Variants in LINGO1 observed in about 807,000 individuals in gnomAD.
The protein encoded by LINGO1 is leucine-rich repeat and immunoglobulin-like domain-containing nogo receptor-interacting protein 1.
In LINGO1, 11 loss-of-function variants were observed where a neutral mutation model predicts 37.3. That is an observed-to-expected ratio of 0.29 (90% CI 0.19 to 0.49). LINGO1 has a LOEUF of 0.49. Ranked by LOEUF, LINGO1 falls within the 20% of genes least tolerant of loss-of-function variation. The probability of loss-of-function intolerance (pLI) is 0.99; values close to 1 mark genes in which losing one functional copy is unlikely to be tolerated. For missense variants in LINGO1, 585 were observed against 878.2 expected, an observed-to-expected ratio of 0.67 and a Z score of 4.22; for synonymous variants, 387 against 403.0, an observed-to-expected ratio of 0.96 and a Z score of 0.48.
At chr15:77,724,340 G>A (rs373405331) in intron 2 of LINGO1, among the ~76,000 whole-genome samples, 5 of 152,252 alleles carry the variant, frequency 3.3e-5, no homozygotes, top group African/African-American at 1.2e-4. Flanking sequence ...AGGGTGGCGT[G>A]AGCCAGGCCA....
chr15:77,614,453 C>A lies in LINGO1; in HGVS notation c.1454G>T (p.Arg485Leu). 1 of 1,611,008 alleles carries A rather than the reference C, an allele frequency of 6.2e-7. No individual in the cohort carries two copies. Among genetic ancestry groups the A allele is most frequent in the Non-Finnish European group, 8.5e-7 (1 of 1,179,784 alleles). The change falls in exon 2 of 2, where the codon CGC becomes CTC. Residue 485 changes from arginine to leucine, a missense_variant. Arg to Leu is a moderately radical substitution (Grantham distance 102). Coordinates refer to ENST00000355300, the MANE Select transcript of LINGO1 (RefSeq NM_032808.7). ...GCCGTTGTCCTGTACCTGGGCGTAGCGCACCTCCAGCGTGCCATCAGGGAA... is the reference window on the plus strand; with the variant it reads ...GCCGTTGTCCTGTACCTGGGCGTAGAGCACCTCCAGCGTGCCATCAGGGAA... The part of the protein sequence containing the change: ...TVFPDGTLEV[R>L]YAQVQDNGTY...
chr15:77,801,270 G>A (rs547159683), intron 1 of LINGO1, among the ~76,000 whole-genome samples: 8 of 152,270 alleles, frequency 5.3e-5, no homozygotes, highest in East Asian at 1.9e-4. Context: ...TGGCCTAAAC[G>A]TTTATCGATA....
intron 2 of LINGO1, among the ~76,000 whole-genome samples, chr15:77,690,029 C>G (rs183434583): frequency 1.4e-4 from 21 of 152,302 alleles, no homozygotes; most frequent in Admixed American, 1.1e-3. Flanking sequence ...AGAGATTTGT[C>G]TGAGGATACA....
At chr15:77,711,846 C>T (rs970055234) in intron 2 of LINGO1, among the ~76,000 whole-genome samples, 3 of 151,922 alleles carry the variant, frequency 2.0e-5, no homozygotes, top group South Asian at 2.1e-4. Context: ...CCTTCTGAAA[C>T]GTGCTTACCC....
intron 3 of LINGO1, among the ~76,000 whole-genome samples, chr15:77,641,125 A>AG (rs2074496182): frequency 6.6e-6 from 1 of 152,168 alleles, no homozygotes; most frequent in Admixed American, 6.5e-5. Context: ...CCTGGGATGG[A>AG]GGGGAGAGAC....
At chr15:77,684,270 T>C (rs1315270336) in intron 2 of LINGO1, among the ~76,000 whole-genome samples, 2 of 152,212 alleles carry the variant, frequency 1.3e-5, no homozygotes, top group African/African-American at 4.8e-5. Context: ...TATTGACTCA[T>C]TGAATCCTCC....
At chr15:77,676,312 C>T (rs2075327020) in intron 3 of LINGO1, among the ~76,000 whole-genome samples, 1 of 152,256 alleles carries the variant, frequency 6.6e-6, no homozygotes, top group African/African-American at 2.4e-5. Context: ...TTTAGCCCCC[C>T]AACTTGGGTT....
chr15:77,782,959 G>A (rs976744077), intron 1 of LINGO1, among the ~76,000 whole-genome samples: 6 of 151,404 alleles, frequency 4.0e-5, no homozygotes, highest in African/African-American at 9.7e-5. Context: ...CCCTGTCCCC[G>A]CTCTCTCCCT....
Position 77,615,148 on chromosome 15 carries a change from G to A in LINGO1, c.759C>T (p.Asp253=). The change falls in exon 2 of 2, where the codon GAC becomes GAT. Residue 253 remains aspartate (D), a synonymous_variant. Coordinates refer to ENST00000355300, the MANE Select transcript of LINGO1 (RefSeq NM_032808.7). ...VLEISHWPYL[D]TMTPNCLYGL... is the part of the protein sequence containing the mutation. ...CGTAGAGGCAGTTGGGTGTCATGGT[G>A]TCCAAGTAGGGCCAGTGGGAGATCT... 2.5e-6 allele frequency: 4 copies of A among 1,613,990 alleles called. No individual in the cohort carries two copies. Among genetic ancestry groups the A allele is most frequent in the Non-Finnish European group, 3.4e-6 (4 of 1,179,896 alleles).
chr15:77,734,221 CT>C (rs1444332067), intron 2 of LINGO1, among the ~76,000 whole-genome samples: 3 of 152,220 alleles, frequency 2.0e-5, no homozygotes, highest in Non-Finnish European at 4.4e-5. Flanking sequence ...CTTCACACCC[CT>C]TCTGCTCCCT....
chr15:77,627,638 G>A (rs2142570662), intron 1 of LINGO1, among the ~76,000 whole-genome samples: 1 of 152,296 alleles, frequency 6.6e-6, no homozygotes. Context: ...CAGGAGGAGG[G>A]GATGCTAAAA....
chr15:77,691,992 A>C (rs1054745405), intron 1 of LINGO1, among the ~76,000 whole-genome samples: 1 of 152,160 alleles, frequency 6.6e-6, no homozygotes, highest in African/African-American at 2.4e-5. Flanking sequence ...AAGCAACCAC[A>C]TGCGTGCTCC....
chr15:77,776,195 G>T (rs1031889908), intron 1 of LINGO1, among the ~76,000 whole-genome samples: 2 of 144,302 alleles, frequency 1.4e-5, no homozygotes, highest in African/African-American at 2.8e-5. Context: ...TAAATATTAC[G>T]TCTTCCCTGC....
intron 2 of LINGO1, among the ~76,000 whole-genome samples, chr15:77,726,184 T>C (rs769435495): frequency 1.3e-5 from 2 of 152,222 alleles, no homozygotes; most frequent in African/African-American, 2.4e-5. Flanking sequence ...CTTTGGGCTG[T>C]TGACTCTACA....
chr15:77,628,227 C>T (rs1342713632), intron 1 of LINGO1, among the ~76,000 whole-genome samples: 2 of 152,194 alleles, frequency 1.3e-5, no homozygotes, highest in Non-Finnish European at 2.9e-5. Flanking sequence ...GCCCCAGAGA[C>T]ACTGCATGTT....
At chr15:77,815,308 C>A (rs973333786) in intron 1 of LINGO1, among the ~76,000 whole-genome samples, 2 of 151,936 alleles carry the variant, frequency 1.3e-5, no homozygotes. Context: ...CACCCCTGCC[C>A]AGCAAGCACA....
At chr15:77,790,305 T>C (rs184862644), upstream of LINGO1, among the ~76,000 whole-genome samples, 5 of 152,296 alleles carry the variant, frequency 3.3e-5, no homozygotes, top group African/African-American at 1.2e-4. Flanking sequence ...TGGCACATAG[T>C]AGGTGCTTAG....
intron 2 of LINGO1, among the ~76,000 whole-genome samples, chr15:77,716,508 G>T (rs2075987335): frequency 6.7e-6 from 1 of 149,564 alleles, no homozygotes; most frequent in East Asian, 2.1e-4. Context: ...TATGTACACT[G>T]TGATCCGGAG....
At chr15:77,668,629 C>T (rs2075185176) in intron 3 of LINGO1, among the ~76,000 whole-genome samples, 1 of 152,090 alleles carries the variant, frequency 6.6e-6, no homozygotes, top group Non-Finnish European at 1.5e-5. Flanking sequence ...AGGAATACAT[C>T]CACATGGCAA....
Sources: allele counts gnomAD v4.1 joint callset (sites outside exome capture counted in the v4.1 genomes callset), GRCh38; gene constraint gnomAD v4.1.1; transcripts MANE v1.5; gene names NCBI Gene and HGNC (gene_info 2026-07-23, HGNC 2026-07-21).